The following LRP1B variants were observed in gnomAD, a reference collection of about 807,000 sequenced individuals.
The protein encoded by LRP1B is LDL receptor related protein 1B, also known as low-density lipoprotein receptor-related protein 1B.
LRP1B carries 217 observed loss-of-function variants against 556.6 expected under a neutral mutation model. The ratio of observed to expected loss-of-function variants is 0.39; its 90% CI spans 0.35 to 0.44. The LOEUF is 0.44. LRP1B is among the 20% of genes least tolerant of loss of function. The probability of loss-of-function intolerance (pLI) is 1.00; values close to 1 mark genes in which losing one functional copy is unlikely to be tolerated. For synonymous variants in LRP1B, 2,047 were observed against 1,865.8 expected (o/e 1.10, Z -2.50); for missense variants, 5,053 against 5,620.8 (o/e 0.90, Z 3.23).
rs1700992142 is a variant in LRP1B at position 141,947,724 on chromosome 2, C to A, written c.83-137323G>T. Among the ~76,000 whole-genome samples the A allele has an allele frequency of 2.0e-5, 3 of 151,682 alleles. 1 individual carries two copies. The South Asian group carries it at 6.2e-4, about 32-fold the overall frequency. ...AAATAGAGCAACATGTAAACATAAT[C>A]TGGTGAAGTGTTTATTTATTATAAA... On this transcript the variant is annotated intron_variant, in intron 1 of 90. Transcript: ENST00000389484.
intron 7 of LRP1B, among the ~76,000 whole-genome samples, chr2:141,107,286 C>T (rs1021579120): frequency 6.6e-6 from 1 of 151,916 alleles, no homozygotes; most frequent in Non-Finnish European, 1.5e-5. Context: ...GATTTATGCA[C>T]TATATAATTT....
chr2:141,505,311 C>A (rs1346446724), intron 2 of LRP1B, among the ~76,000 whole-genome samples: 1 of 152,162 alleles, frequency 6.6e-6, no homozygotes, highest in East Asian at 1.9e-4. Context: ...TCTTTTGTTG[C>A]AACTCGGATA....
chr2:140,541,939 G>C lies in LRP1B; in HGVS notation c.7227C>G (p.Leu2409=), dbSNP rs776235795. 8 of 1,608,766 alleles carry C rather than the reference G, an allele frequency of 5.0e-6. No homozygotes were observed. The African/African-American group carries it at 1.1e-4, about 22-fold the overall frequency. The change falls in exon 44 of 91, where the codon CTC becomes CTG. Residue 2409 remains leucine (L), a synonymous_variant. Transcript: ENST00000389484. ...VIVKSGPGTF[L]SLAVYDNYIF... The stretch of plus-strand genomic sequence containing the variant: ...TATAATTGTCATAAACAGCCAAACT[G>C]AGGAAAGTCCCTGGCCCAGATTTAA...
intron 9 of LRP1B, among the ~76,000 whole-genome samples, chr2:141,057,022 G>T (rs775470683): frequency 5.9e-5 from 9 of 151,574 alleles, no homozygotes; most frequent in Admixed American, 5.9e-4. Flanking sequence ...AAATCCTATC[G>T]GCTCTATATT....
chr2:141,271,188 T>C (rs1298119525), intron 3 of LRP1B, among the ~76,000 whole-genome samples: 1 of 151,858 alleles, frequency 6.6e-6, no homozygotes, highest in African/African-American at 2.4e-5. Flanking sequence ...GAAGTCATAT[T>C]ATATAATCGG....
chr2:140,658,674 A>G (rs2105335145), intron 41 of LRP1B, among the ~76,000 whole-genome samples: 1 of 151,810 alleles, frequency 6.6e-6, no homozygotes, highest in Non-Finnish European at 1.5e-5. Flanking sequence ...TTTTTAACGC[A>G]ATATGTCTAC....
chr2:141,281,644 C>T (rs1289489371), intron 3 of LRP1B, among the ~76,000 whole-genome samples: 3 of 151,962 alleles, frequency 2.0e-5, no homozygotes, highest in Non-Finnish European at 4.4e-5. Flanking sequence ...TTATCTAGAA[C>T]CCAGTCAGTA....
At chr2:140,327,176 C>T (rs1436689602) in intron 79 of LRP1B, among the ~76,000 whole-genome samples, 1 of 152,066 alleles carries the variant, frequency 6.6e-6, no homozygotes, top group Non-Finnish European at 1.5e-5. Flanking sequence ...ATTTTAATGG[C>T]AACGCAACTG....
chr2:141,126,037 ATTTTT>A (rs61318987), intron 7 of LRP1B, among the ~76,000 whole-genome samples: 1 of 144,510 alleles, frequency 6.9e-6, no homozygotes, highest in Non-Finnish European at 1.5e-5. Context: ...TCTTCCTTTT[ATTTTT>A]TTTTTTTTGA....
chr2:141,602,380 C>T (rs1441246762), intron 2 of LRP1B, among the ~76,000 whole-genome samples: 1 of 152,148 alleles, frequency 6.6e-6, no homozygotes, highest in Non-Finnish European at 1.5e-5. Context: ...GTGTAATCCA[C>T]ATATAGTTAA....
At chr2:141,199,237 T>C (rs936279382) in intron 6 of LRP1B, among the ~76,000 whole-genome samples, 15 of 152,154 alleles carry the variant, frequency 9.9e-5, no homozygotes, top group African/African-American at 3.6e-4. Flanking sequence ...TACCAACATC[T>C]CAGCTTACTA....
At chr2:141,924,512 G>T (rs1430996664) in intron 1 of LRP1B, among the ~76,000 whole-genome samples, 3 of 152,140 alleles carry the variant, frequency 2.0e-5, no homozygotes, top group Non-Finnish European at 4.4e-5. Flanking sequence ...AAGGCAGAGG[G>T]TCCATCGAGC....
intron 23 of LRP1B, among the ~76,000 whole-genome samples, chr2:140,895,053 T>C (rs1035023649): frequency 6.6e-6 from 1 of 151,734 alleles, no homozygotes; most frequent in Non-Finnish European, 1.5e-5. Flanking sequence ...GAAATACACA[T>C]AGAGGAATGT....
At chr2:141,796,977 A>G (rs1042348481) in intron 2 of LRP1B, among the ~76,000 whole-genome samples, 6 of 151,536 alleles carry the variant, frequency 4.0e-5, no homozygotes, top group African/African-American at 1.4e-4. Flanking sequence ...TCTAAAAGGT[A>G]GACTGTCCGT....
intron 41 of LRP1B, among the ~76,000 whole-genome samples, chr2:140,611,928 C>A (rs1397912004): frequency 6.6e-6 from 1 of 151,982 alleles, no homozygotes; most frequent in Admixed American, 6.6e-5. Flanking sequence ...TGAAAGATTT[C>A]TTATTGAAAT....
At chr2:140,748,294 A>ATAT (rs1688400257) in intron 35 of LRP1B, among the ~76,000 whole-genome samples, 1 of 64,814 alleles carries the variant, frequency 1.5e-5, no homozygotes, top group Non-Finnish European at 3.4e-5. Flanking sequence ...ATATATGTAT[A>ATAT]TATATTCATA....
rs1698814638 is a variant in LRP1B, at chr2:141,044,714, A to T, written c.1789+4272T>A. Among the ~76,000 whole-genome samples, 5 of 151,200 alleles carry T rather than the reference A, an allele frequency of 3.3e-5. No individual in the cohort carries two copies. In the South Asian group the frequency reaches 1.0e-3, roughly 32 times the overall value. ...TCAGAGAAATGCAAATCAAAACCAC[A>T]ATGAGATACCATCTCACACCAGTTA... On this transcript the variant is annotated intron_variant, in intron 11 of 90. Coordinates refer to ENST00000389484, the MANE Select transcript of LRP1B (RefSeq NM_018557.3).
intron 11 of LRP1B, among the ~76,000 whole-genome samples, chr2:141,041,285 A>G (rs1339991035): frequency 6.6e-6 from 1 of 152,064 alleles, no homozygotes; most frequent in Non-Finnish European, 1.5e-5. Flanking sequence ...ATTGTCACAA[A>G]CTTGGTGGCT....
rs991337544 is a variant in LRP1B, at chr2:140,688,800, C to T, written c.6799+11450G>A. 3.9e-5 allele frequency among the ~76,000 whole-genome samples: 6 copies of T among 152,178 alleles called. No individual in the cohort carries two copies. In the East Asian group the frequency reaches 1.2e-3, roughly 29 times the overall value. On this transcript the variant is annotated intron_variant, in intron 41 of 90. Coordinates refer to ENST00000389484, the MANE Select transcript of LRP1B (RefSeq NM_018557.3). ...AGGCATCCTACTGGATAATTACAGA[C>T]TTGTGGCCTGGTTACTCAGCATATA... is the stretch of plus-strand genomic sequence containing the variant.
Sources: gnomAD v4.1 joint callset for allele counts (sites outside exome capture counted in the v4.1 genomes callset) on GRCh38, gnomAD v4.1.1 for gene constraint, MANE v1.5 for transcripts, NCBI Gene and HGNC (gene_info 2026-07-23, HGNC 2026-07-21) for gene names.